Variants in RBFOX1 observed in about 807,000 individuals in gnomAD.
RBFOX1 encodes the protein RNA binding fox-1 homolog 1.
RBFOX1 carries 8 observed loss-of-function variants against 57.7 expected under a neutral mutation model. The ratio of observed to expected loss-of-function variants is 0.14; its 90% CI spans 0.08 to 0.25. RBFOX1 has a LOEUF of 0.25. RBFOX1 is among the 10% of genes least tolerant of loss of function. The probability of loss-of-function intolerance (pLI) is 1.00; values close to 1 mark genes in which losing one functional copy is unlikely to be tolerated. For synonymous variants in RBFOX1, 326 were observed against 222.4 expected (o/e 1.47, Z -4.15); for missense variants, 611 against 548.5 (o/e 1.11, Z -1.14).
chr16:5,586,772 C>A (rs1405620159), intron 2 of RBFOX1, among the ~76,000 whole-genome samples: 2 of 152,184 alleles, frequency 1.3e-5, no homozygotes, highest in African/African-American at 4.8e-5. Context: ...GCTGGGATTA[C>A]AAGTGTAAGC....
intron 3 of RBFOX1, among the ~76,000 whole-genome samples, chr16:5,798,245 A>G (rs1224419542): frequency 6.6e-6 from 1 of 152,228 alleles, no homozygotes; most frequent in African/African-American, 2.4e-5. Flanking sequence ...TATTATTGTC[A>G]TTAGTAATAT....
chr16:6,399,446 C>T (rs1234203615), intron 2 of RBFOX1, among the ~76,000 whole-genome samples: 1 of 152,198 alleles, frequency 6.6e-6, no homozygotes, highest in Non-Finnish European at 1.5e-5. Flanking sequence ...ACCAGACTCT[C>T]TGCTAAAACA....
Position 6,951,924 on chromosome 16 carries a change from T to C in RBFOX1, c.-15-100133T>C, listed in dbSNP as rs367846404. 2.0e-5 allele frequency among the ~76,000 whole-genome samples: 3 copies of C among 152,112 alleles called. 1 individual carries two copies. The highest frequency in any genetic ancestry group is 4.1e-4 in the South Asian group (2 of 4,826). ...CTAATTTTTGTATATTTAGTAGAGA[T>C]GGGGTTTCACCATGTTGGTCAGGCT... On this transcript the variant is annotated intron_variant, in intron 3 of 15. Transcript: ENST00000550418.
chr16:5,926,772 T>A (rs758156831), intron 4 of RBFOX1, among the ~76,000 whole-genome samples: 1 of 152,354 alleles, frequency 6.6e-6, no homozygotes, highest in East Asian at 1.9e-4. Flanking sequence ...TATTTAAGTT[T>A]GAGAAACATT....
intron 4 of RBFOX1, among the ~76,000 whole-genome samples, chr16:7,180,232 T>C (rs543565784): frequency 6.6e-6 from 1 of 152,186 alleles, no homozygotes; most frequent in African/African-American, 2.4e-5. Context: ...TTTCAGATAA[T>C]TTTTAAATGC....
At chr16:7,270,521 G>C (rs560752746) in intron 4 of RBFOX1, among the ~76,000 whole-genome samples, 1 of 152,326 alleles carries the variant, frequency 6.6e-6, no homozygotes, top group African/African-American at 2.4e-5. Context: ...CCATTGGGCA[G>C]TTTCAGACCT....
exon 3 of RBFOX1, chr16:5,599,281 G>T: frequency 7.8e-6 from 5 of 644,096 alleles, no homozygotes; most frequent in Middle Eastern, 2.5e-4. Flanking sequence ...CTGCGCCCTG[G>T]TGTGACGGCC....
At chr16:6,911,572 A>G (rs1035767126) in intron 3 of RBFOX1, among the ~76,000 whole-genome samples, 1 of 152,288 alleles carries the variant, frequency 6.6e-6, no homozygotes, top group Non-Finnish European at 1.5e-5. Flanking sequence ...ATGACCCATA[A>G]TGACTTAATT....
At chr16:6,113,971 G>A (rs1309666315) in intron 1 of RBFOX1, among the ~76,000 whole-genome samples, 1 of 152,248 alleles carries the variant, frequency 6.6e-6, no homozygotes, top group Non-Finnish European at 1.5e-5. Flanking sequence ...AATAGAGCAG[G>A]TTTCTGTCAA....
intron 1 of RBFOX1, among the ~76,000 whole-genome samples, chr16:6,093,712 C>T (rs1388952754): frequency 6.6e-6 from 1 of 152,106 alleles, no homozygotes; most frequent in Non-Finnish European, 1.5e-5. Flanking sequence ...GCCTTAACCT[C>T]CTAGGCTCAA....
intron 3 of RBFOX1, among the ~76,000 whole-genome samples, chr16:6,785,177 G>A (rs2081722205): frequency 6.6e-6 from 1 of 152,156 alleles, no homozygotes; most frequent in Non-Finnish European, 1.5e-5. Flanking sequence ...TACGAGATCT[G>A]GTCTGCTCTG....
chr16:7,549,269 T>C (rs9922530), intron 5 of RBFOX1, among the ~76,000 whole-genome samples: 4,163 of 152,300 alleles, frequency 0.027, 221 homozygotes, highest in African/African-American at 0.095. Context: ...TTATGGCTGC[T>C]GAATGCTGTA....
intron 2 of RBFOX1, among the ~76,000 whole-genome samples, chr16:5,568,735 C>A (rs2046162969): frequency 6.6e-6 from 1 of 152,204 alleles, no homozygotes; most frequent in South Asian, 2.1e-4. Flanking sequence ...CCACGATGGT[C>A]TTAAGAATCC....
chr16:5,515,380 G>A (rs2043754336), intron 2 of RBFOX1, among the ~76,000 whole-genome samples: 2 of 152,218 alleles, frequency 1.3e-5, no homozygotes, highest in South Asian at 4.1e-4. Flanking sequence ...TCAAGTACAG[G>A]AAAGGAACCC....
chr16:6,654,351 A>G (rs150041565), intron 2 of RBFOX1, among the ~76,000 whole-genome samples: 42 of 152,346 alleles, frequency 2.8e-4, no homozygotes, highest in East Asian at 1.5e-3. Context: ...CCTCTGATCC[A>G]TAGCCTTTGC....
chr16:7,506,579 TTCATCATCATCATCA>T (rs796170479), intron 4 of RBFOX1, among the ~76,000 whole-genome samples: 2 of 146,228 alleles, frequency 1.4e-5, no homozygotes, highest in Non-Finnish European at 3.0e-5. Flanking sequence ...TACCATCACC[TTCATCATCATCATCA>T]TCATCATCAT....
chr16:7,219,292 C>T (rs1016421005), intron 4 of RBFOX1, among the ~76,000 whole-genome samples: 4 of 152,182 alleles, frequency 2.6e-5, no homozygotes, highest in Non-Finnish European at 5.9e-5. Flanking sequence ...AAGTTAAGGA[C>T]TGTAAGACAC....
chr16:7,564,452 A>G (rs573190364), intron 5 of RBFOX1, among the ~76,000 whole-genome samples: 24 of 144,286 alleles, frequency 1.7e-4, no homozygotes, highest in African/African-American at 6.2e-4. Context: ...GAGGCAGGGG[A>G]ATTGCTTGAT....
At chr16:6,271,650 A>G (rs1167939071) in intron 1 of RBFOX1, among the ~76,000 whole-genome samples, 1 of 152,210 alleles carries the variant, frequency 6.6e-6, no homozygotes, top group Non-Finnish European at 1.5e-5. Context: ...TCAAAAAGGT[A>G]GTAAGGGAAT....
Sources: allele counts gnomAD v4.1 joint callset (sites outside exome capture counted in the v4.1 genomes callset), GRCh38; gene constraint gnomAD v4.1.1; transcripts MANE v1.5; gene names NCBI Gene and HGNC (gene_info 2026-07-23, HGNC 2026-07-21).